Variants in KIN observed in about 807,000 individuals in gnomAD.
KIN encodes the protein Kin17 DNA and RNA binding protein.
A neutral mutation model predicts 63.0 loss-of-function variants in KIN; 47 were observed. The ratio of observed to expected loss-of-function variants is 0.75; its 90% CI spans 0.59 to 0.95. The LOEUF is 0.95. Among genes scored for constraint, KIN ranks in the 40% least tolerant of loss-of-function variants. KIN has a pLI of 0.00. For synonymous variants in KIN, 160 were observed against 157.7 expected, an observed-to-expected ratio of 1.01 and a Z score of -0.11; for missense variants, 408 against 460.9, an observed-to-expected ratio of 0.89 and a Z score of 1.05.
Position 7,758,078 on chromosome 10 carries a change from C to CTT in KIN, c.1119+1810_1119+1811dup, listed in dbSNP as rs200701372. On this transcript the variant is annotated intron_variant, in intron 12 of 12. Transcript: ENST00000379562. ...AAAAAAAAATTAGGAGACAGATTCC[C>CTT]TTTTTTTTTTTTTTTGAGACGGAGT... Among the ~76,000 whole-genome samples the CTT allele has an allele frequency of 9.0e-4, 121 of 134,726 alleles. 2 individuals are homozygous for CTT. The highest frequency in any genetic ancestry group is 1.7e-3 in the Admixed American group (22 of 12,922). 88.4% of individuals were successfully genotyped at this position (134,726 alleles called of 152,430 possible).
chr10:7,767,331 C>T (rs1835567337), intron 8 of KIN, among the ~76,000 whole-genome samples: 1 of 152,198 alleles, frequency 6.6e-6, no homozygotes, highest in East Asian at 1.9e-4. Context: ...CTCATACCTC[C>T]TTGGCACTCA....
chr10:7,769,113 C>T (rs767376021), intron 8 of KIN, 103 bp downstream of exon 8: 29 of 1,096,144 alleles, frequency 2.6e-5, no homozygotes, highest in African/African-American at 4.7e-5. Context: ...TTCCCTAGTC[C>T]GTACATGATA....
At chr10:7,757,735 G>C (rs1588468861) in intron 12 of KIN, among the ~76,000 whole-genome samples, 1 of 151,998 alleles carries the variant, frequency 6.6e-6, no homozygotes, top group East Asian at 1.9e-4. Context: ...ACCTAGGTTA[G>C]ATTTTTCATT....
At chr10:7,767,600 G>A (rs1455033823) in intron 8 of KIN, among the ~76,000 whole-genome samples, 1 of 152,050 alleles carries the variant, frequency 6.6e-6, no homozygotes, top group African/African-American at 2.4e-5. Flanking sequence ...CTCACACCTT[G>A]TAATCCCAGG....
chr10:7,762,594 T>C (rs781764929), intron 10 of KIN, 38 bp from the exon 11 acceptor site: 2 of 1,149,058 alleles, frequency 1.7e-6, no homozygotes, highest in Admixed American at 1.8e-5. Context: ...ATAGAAGAAA[T>C]ATGTGCACAC....
chr10:7,772,886 T>C (rs1388199852), intron 7 of KIN, among the ~76,000 whole-genome samples: 1 of 152,236 alleles, frequency 6.6e-6, no homozygotes, highest in African/African-American at 2.4e-5. Context: ...CCTATCAATG[T>C]TACATTATCT....
At chr10:7,786,154 G>A (rs35479809) in intron 1 of KIN, among the ~76,000 whole-genome samples, 2,395 of 152,258 alleles carry the variant, frequency 0.016, 34 homozygotes, top group South Asian at 0.033. Flanking sequence ...GGGAGCGGAG[G>A]TCCTAATAAC....
intron 5 of KIN, among the ~76,000 whole-genome samples, chr10:7,777,715 T>A (rs996577249): frequency 1.3e-5 from 2 of 152,082 alleles, no homozygotes; most frequent in South Asian, 4.1e-4. Flanking sequence ...CTGGCCAACA[T>A]GGTGAAACCC....
chr10:7,756,218 G>A (rs775563131), intron 12 of KIN, 76 bp from the exon 13 acceptor site: 1 of 816,550 alleles, frequency 1.2e-6, no homozygotes, highest in Non-Finnish European at 1.9e-6. Context: ...CCATACTTAT[G>A]GATACAAATT....
chr10:7,775,809 AG>A lies in KIN; in HGVS notation c.559-11del. On this transcript the variant is annotated splice_polypyrimidine_tract_variant and intron_variant, in intron 5 of 12. Coordinates refer to ENST00000379562, the MANE Select transcript of KIN (RefSeq NM_012311.4). ...TAAAAGTAGGGACCTCCTAAAAAAA[AG>A]AAAGTTTTAAGGTTTTGGTGTACAT... 1 of 1,535,792 alleles carries A rather than the reference AG, an allele frequency of 6.5e-7. No homozygotes were observed. Among genetic ancestry groups the A allele is most frequent in the Non-Finnish European group, 8.9e-7 (1 of 1,129,312 alleles).
At chr10:7,766,685 T>G (rs949716068) in intron 8 of KIN, among the ~76,000 whole-genome samples, 2 of 152,078 alleles carry the variant, frequency 1.3e-5, no homozygotes, top group Non-Finnish European at 2.9e-5. Context: ...TAAGTACCAA[T>G]TTTCAATGGG....
At chr10:7,775,704 T>C (rs765134464) in intron 6 of KIN, 47 bp downstream of exon 6, 6 of 1,035,164 alleles carry the variant, frequency 5.8e-6, no homozygotes, top group East Asian at 2.6e-5. Context: ...AAAGCCAATA[T>C]AAAAGCATCT....
chr10:7,774,438 A>G (rs1283735655), intron 7 of KIN, among the ~76,000 whole-genome samples: 1 of 152,236 alleles, frequency 6.6e-6, no homozygotes, highest in Non-Finnish European at 1.5e-5. Context: ...GGATTCATGG[A>G]GAAGCAAAAG....
At chr10:7,780,390 G>T in intron 2 of KIN, 83 bp from the exon 3 acceptor site, 1 of 1,212,988 alleles carries the variant, frequency 8.2e-7, no homozygotes, top group Non-Finnish European at 1.2e-6. Context: ...CAGTAGTACA[G>T]TTTTTTGTTT....
chr10:7,774,974 C>T, intron 6 of KIN, 83 bp from the exon 7 acceptor site: 3 of 953,810 alleles, frequency 3.1e-6, no homozygotes, highest in Non-Finnish European at 5.0e-6. Context: ...ACAAAGTGTT[C>T]ACAGAGGAAC....
chr10:7,780,711 T>C (rs143220795), intron 2 of KIN, among the ~76,000 whole-genome samples: 2 of 152,282 alleles, frequency 1.3e-5, no homozygotes, highest in East Asian at 3.9e-4. Context: ...AGTAGTATAG[T>C]TTTAATGTCC....
chr10:7,779,979 T>C, intron 4 of KIN, 77 bp downstream of exon 4: 1 of 1,510,112 alleles, frequency 6.6e-7, no homozygotes, highest in Non-Finnish European at 9.0e-7. Flanking sequence ...TTTTTTTCTC[T>C]TTTCTTATCC....
At chr10:7,770,499 C>A (rs1261396204) in intron 7 of KIN, among the ~76,000 whole-genome samples, 1 of 152,226 alleles carries the variant, frequency 6.6e-6, no homozygotes, top group Non-Finnish European at 1.5e-5. Context: ...GTGTTTTGAA[C>A]TGCCACAGTA....
At chr10:7,767,854 G>C (rs1402050986) in intron 8 of KIN, among the ~76,000 whole-genome samples, 1 of 135,236 alleles carries the variant, frequency 7.4e-6, no homozygotes, top group Non-Finnish European at 1.5e-5. Flanking sequence ...ACACAGAGCA[G>C]GACTCCGTCT....
Sources: gnomAD v4.1 joint callset for allele counts (sites outside exome capture counted in the v4.1 genomes callset) on GRCh38, gnomAD v4.1.1 for gene constraint, MANE v1.5 for transcripts, NCBI Gene and HGNC (gene_info 2026-07-23, HGNC 2026-07-21) for gene names.